RMND5A: variants seen among roughly 807,000 people sequenced by gnomAD.
RMND5A encodes the protein required for meiotic nuclear division 5 homolog A, also known as E3 ubiquitin-protein transferase RMND5A.
Under a neutral mutation model 49.7 loss-of-function variants are expected in RMND5A, and 17 were observed. That is an observed-to-expected ratio of 0.34 (90% confidence interval 0.23 to 0.51). The LOEUF is 0.51. RMND5A is among the 20% of genes least tolerant of loss of function. RMND5A has a pLI of 0.96. For synonymous variants in RMND5A, 156 were observed against 167.7 expected, an observed-to-expected ratio of 0.93 and a Z score of 0.54; for missense variants, 255 against 471.3, an observed-to-expected ratio of 0.54 and a Z score of 4.25.
At position 86,774,359 on chromosome 2, in the gene RMND5A, G is replaced by C. The variant is rs1034845253; in HGVS notation, c.*948G>C. On this transcript the variant is annotated 3_prime_UTR_variant, in exon 9 of 9. Coordinates refer to ENST00000283632, the MANE Select transcript of RMND5A (RefSeq NM_022780.4). ...CAGCATGTTCCAGTTCTAAAATGCA[G>C]TTACCAGACCCATCACTTTAAATCC... The C allele has an allele frequency of 6.6e-6, 1 of 152,628 alleles. No individual in the cohort carries two copies. Among genetic ancestry groups the C allele is most frequent in the Non-Finnish European group, 1.5e-5 (1 of 68,046 alleles). The allele number at this position is 152,628 out of a possible 1,614,324, so 9.5% of individuals were successfully genotyped here.
rs796156638 is a variant in RMND5A at position 86,725,951 on chromosome 2, T to C, written c.142+5142T>C. On this transcript the variant is annotated intron_variant, in intron 1 of 8. Coordinates refer to ENST00000283632, the MANE Select transcript of RMND5A (RefSeq NM_022780.4). ...ACCATAACTCCTACCCTTATCTCTT[T>C]GGTGAATCAAAGAAACTGTTGAAAC... Among the ~76,000 whole-genome samples the C allele has an allele frequency of 6.5e-5, 5 of 76,414 alleles. 1 individual carries two copies. Among genetic ancestry groups the C allele is most frequent in the African/African-American group, 1.1e-4 (2 of 18,938 alleles). The allele number at this position is 76,414 out of a possible 152,430, so 50.1% of individuals were successfully genotyped here.
At chr2:86,755,591 A>G (rs1262880385) in intron 4 of RMND5A, among the ~76,000 whole-genome samples, 1 of 152,252 alleles carries the variant, frequency 6.6e-6, no homozygotes. Flanking sequence ...CTATGACTAT[A>G]TCTGTAGTCA....
At chr2:86,756,266 G>A (rs1320164661) in intron 4 of RMND5A, among the ~76,000 whole-genome samples, 3 of 152,004 alleles carry the variant, frequency 2.0e-5, no homozygotes, top group African/African-American at 7.3e-5. Context: ...GGTGGTGTAC[G>A]CCTGTAGTCT....
chr2:86,768,265 T>C lies in RMND5A; in HGVS notation c.855-1758T>C, dbSNP rs537914844. 3.9e-5 allele frequency among the ~76,000 whole-genome samples: 6 copies of C among 152,358 alleles called. No homozygotes were observed. The East Asian group carries it at 1.2e-3, about 29-fold the overall frequency. On this transcript the variant is annotated intron_variant, in intron 6 of 8. Transcript: ENST00000283632. The stretch of plus-strand genomic sequence containing the variant: ...GAAACTGTTGTAAGAAAATAACTCT[T>C]TTTTAGCTCTTCTATTCATTTAATT...
chr2:86,760,012 C>T (rs921000384), intron 4 of RMND5A, among the ~76,000 whole-genome samples: 6 of 152,052 alleles, frequency 3.9e-5, no homozygotes, highest in African/African-American at 1.4e-4. Flanking sequence ...TAACCTCTTA[C>T]CACTGAGATC....
intron 1 of RMND5A, among the ~76,000 whole-genome samples, chr2:86,738,588 C>CA (rs554704122): frequency 0.067 from 3,423 of 50,874 alleles, 1,078 homozygotes; most frequent in African/African-American, 0.25. Flanking sequence ...AATTAGTTTA[C>CA]ATGCCTTCTC....
At chr2:86,766,060 C>T (rs750338766) in intron 6 of RMND5A, 36 bp downstream of exon 6, 4 of 1,555,374 alleles carry the variant, frequency 2.6e-6, no homozygotes, top group South Asian at 1.2e-5. Flanking sequence ...TTGAAGTATG[C>T]ACTGCATTAT....
At chr2:86,762,480 A>T (rs1672510751) in intron 4 of RMND5A, among the ~76,000 whole-genome samples, 1 of 150,140 alleles carries the variant, frequency 6.7e-6, no homozygotes, top group Non-Finnish European at 1.5e-5. Context: ...CCCTATCTCT[A>T]CTAAAAATGC....
intron 4 of RMND5A, among the ~76,000 whole-genome samples, chr2:86,755,148 G>A (rs1452968108): frequency 7.0e-6 from 1 of 143,802 alleles, no homozygotes; most frequent in East Asian, 2.0e-4. Context: ...ACAGAGTCTT[G>A]CTCTGTGGCC....
chr2:86,743,377 T>TA (rs1046408608), intron 2 of RMND5A, among the ~76,000 whole-genome samples: 1 of 151,752 alleles, frequency 6.6e-6, no homozygotes, highest in Non-Finnish European at 1.5e-5. Flanking sequence ...TTTTTTTTTT[T>TA]ATGCCCTTGG....
chr2:86,720,889 C>T, intron 1 of RMND5A, 80 bp downstream of exon 1: 1 of 1,365,258 alleles, frequency 7.3e-7, no homozygotes, highest in South Asian at 1.5e-5. Flanking sequence ...GAATCCCTCA[C>T]CCACCCTCGC....
chr2:86,754,092 T>C (rs935616604), intron 4 of RMND5A, among the ~76,000 whole-genome samples: 16 of 152,248 alleles, frequency 1.1e-4, no homozygotes, highest in Admixed American at 1.0e-3. Flanking sequence ...ATAATAAATA[T>C]TATTCTAGAG....
At chr2:86,754,938 A>T (rs747470644) in intron 4 of RMND5A, among the ~76,000 whole-genome samples, 5 of 152,142 alleles carry the variant, frequency 3.3e-5, no homozygotes, top group Non-Finnish European at 5.9e-5. Context: ...GTATAAATTT[A>T]TATAAAATTC....
chr2:86,757,727 C>G (rs1681768433), intron 4 of RMND5A, among the ~76,000 whole-genome samples: 1 of 152,234 alleles, frequency 6.6e-6, no homozygotes, highest in African/African-American at 2.4e-5. Flanking sequence ...GGATTTGCCA[C>G]AGTCTAGTAT....
rs773902033 is a variant in RMND5A at position 86,771,597 on chromosome 2, A to C, written c.997A>C (p.Ile333Leu). 56 of 1,611,136 alleles carry C rather than the reference A, an allele frequency of 3.5e-5. No individual in the cohort carries two copies. Among genetic ancestry groups the C allele is most frequent in the Non-Finnish European group, 4.7e-5 (55 of 1,179,576 alleles). ...DLGKKCWYHS[I>L]FACPILRQQT... ...TGGTAAAAAGTGCTGGTATCACTCT[A>C]TATTTGCCTGCCCCATTCTTCGTCA... Residue 333 changes from isoleucine (I) to leucine (L), a missense_variant, in exon 8 of 9, where the codon ATA becomes CTA. Coordinates refer to ENST00000283632, the MANE Select transcript of RMND5A (RefSeq NM_022780.4).
intron 8 of RMND5A, 140 bp downstream of exon 8, chr2:86,771,852 TTGG>T (rs1672690351): frequency 8.8e-6 from 6 of 680,248 alleles, no homozygotes; most frequent in East Asian, 2.7e-5. Flanking sequence ...TTTGGCAAAG[TTGG>T]TGGTATCTGA....
chr2:86,750,896 A>G (rs1681623238), intron 2 of RMND5A, among the ~76,000 whole-genome samples: 1 of 148,424 alleles, frequency 6.7e-6, no homozygotes, highest in Admixed American at 6.7e-5. Flanking sequence ...TATTTTGGTT[A>G]CTCTATCAGC....
chr2:86,750,847 T>C (rs1180495506), intron 2 of RMND5A, among the ~76,000 whole-genome samples: 1 of 152,062 alleles, frequency 6.6e-6, no homozygotes, highest in Non-Finnish European at 1.5e-5. Context: ...GCACTGCCAC[T>C]TTGCTTCTGC....
In RMND5A at chr2:86,776,237, A is replaced by G. The variant is rs1050854829; in HGVS notation, c.*2826A>G. On this transcript the variant is annotated 3_prime_UTR_variant, in exon 9 of 9. Transcript: ENST00000283632. ...CTTGATCTTTTTTCTCCGTTGTGTGATCACAGATGCTATTTCTGTTTTATT... is the reference window on the plus strand; with the variant it reads ...CTTGATCTTTTTTCTCCGTTGTGTGGTCACAGATGCTATTTCTGTTTTATT... The G allele has an allele frequency of 5.3e-5, 8 of 152,338 alleles. No individual in the cohort carries two copies. Among genetic ancestry groups the G allele is most frequent in the African/African-American group, 1.9e-4 (8 of 41,576 alleles). The allele number at this position is 152,338 out of a possible 1,614,324, so 9.4% of individuals were successfully genotyped here.
Sources: allele counts gnomAD v4.1 joint callset (sites outside exome capture counted in the v4.1 genomes callset), GRCh38; gene constraint gnomAD v4.1.1; transcripts MANE v1.5; gene names NCBI Gene and HGNC (gene_info 2026-07-23, HGNC 2026-07-21).